Variants in RERE observed in about 807,000 individuals in gnomAD.
The protein encoded by RERE is arginine-glutamic acid dipeptide repeats.
A neutral mutation model predicts 146.1 loss-of-function variants in RERE; 40 were observed. The observed-to-expected ratio is 0.27, with a 90% confidence interval of 0.21 to 0.36. The LOEUF (loss-of-function observed/expected upper bound fraction) is 0.36, where lower values mean the gene tolerates loss of function less well. Ranked by LOEUF, RERE falls within the 10% of genes least tolerant of loss-of-function variation. The pLI is 1.00. For synonymous variants in RERE, 1,003 were observed against 866.0 expected (o/e 1.16, Z -2.78); for missense variants, 1,933 against 2,138.7 (o/e 0.90, Z 1.90).
chr1:8,786,606 A>C, intron 1 of RERE: 1 of 767,050 alleles, frequency 1.3e-6, no homozygotes, highest in South Asian at 1.3e-5. Context: ...AAAGGCGAAG[A>C]AGCTGCAACA....
intron 11 of RERE, among the ~76,000 whole-genome samples, chr1:8,440,368 G>A (rs1415899609): frequency 2.6e-5 from 4 of 151,992 alleles, no homozygotes; most frequent in Admixed American, 1.3e-4. Context: ...CGAGGCAGGC[G>A]GACATGAGGT....
In RERE at chr1:8,361,264, G is replaced by T. The variant is rs760178992; in HGVS notation, c.2243C>A (p.Thr748Asn). 1 of 1,585,074 alleles carries T rather than the reference G, an allele frequency of 6.3e-7. No homozygotes were observed. Among genetic ancestry groups the T allele is most frequent in the Admixed American group, 1.7e-5 (1 of 58,394 alleles). The change falls in exon 18 of 23, where the codon ACC (threonine) becomes AAC (asparagine). Residue 748 changes from threonine (T) to asparagine (N), a missense_variant. Around this residue, in one of 11 missense-constraint regions of RERE, gnomAD observed 1,255 missense variants for 1,153.8 expected, o/e 1.09. Coordinates refer to ENST00000400908, the MANE Select transcript of RERE (RefSeq NM_001042681.2). Reference sequence around the variant, plus strand: ...TGGAGGAGCTGAGGAGGGAGCTGGGGTGACCCCAGTGGGAGCCTGCAAGGC... The same window carrying T: ...TGGAGGAGCTGAGGAGGGAGCTGGGTTGACCCCAGTGGGAGCCTGCAAGGC... The part of the protein sequence containing the change: ...PPALQAPTGV[T>N]PAPSSAPPGT...
chr1:8,693,021 G>A (rs1243379196), intron 1 of RERE, among the ~76,000 whole-genome samples: 2 of 152,024 alleles, frequency 1.3e-5, no homozygotes, highest in Non-Finnish European at 2.9e-5. Context: ...AGCTGGCATC[G>A]GAAATGAGCA....
intron 1 of RERE, among the ~76,000 whole-genome samples, chr1:8,661,268 A>G (rs1271575796): frequency 6.6e-6 from 1 of 152,166 alleles, no homozygotes; most frequent in African/African-American, 2.4e-5. Flanking sequence ...AAGACACAGG[A>G]GACCAGAGGG....
chr1:8,405,859 T>G (rs1643423291), intron 12 of RERE, among the ~76,000 whole-genome samples: 1 of 152,030 alleles, frequency 6.6e-6, no homozygotes, highest in African/African-American at 2.4e-5. Context: ...ATGGTCTTGA[T>G]CTCCTGACCT....
At chr1:8,739,612 T>C (rs926580167) in intron 1 of RERE, among the ~76,000 whole-genome samples, 4 of 152,088 alleles carry the variant, frequency 2.6e-5, no homozygotes, top group African/African-American at 9.7e-5. Context: ...CCCAGATTCA[T>C]TTTCACAGAG....
At chr1:8,482,678 T>C (rs1419897484) in intron 10 of RERE, among the ~76,000 whole-genome samples, 2 of 97,678 alleles carry the variant, frequency 2.0e-5, no homozygotes, top group South Asian at 7.1e-4. Flanking sequence ...TGAGATTCTG[T>C]TGCAAAAAAA....
chr1:8,647,910 A>G (rs1647404879), intron 2 of RERE, among the ~76,000 whole-genome samples: 1 of 152,210 alleles, frequency 6.6e-6, no homozygotes, highest in East Asian at 1.9e-4. Context: ...GATTGAATGG[A>G]AATTTTCCAT....
At chr1:8,642,079 T>G (rs1468558711) in intron 2 of RERE, among the ~76,000 whole-genome samples, 1 of 152,232 alleles carries the variant, frequency 6.6e-6, no homozygotes, top group Non-Finnish European at 1.5e-5. Context: ...TATTTTATAT[T>G]TTAAATAATT....
chr1:8,748,167 T>C (rs1391509424), intron 1 of RERE, among the ~76,000 whole-genome samples: 2 of 152,206 alleles, frequency 1.3e-5, no homozygotes, highest in African/African-American at 4.8e-5. Context: ...AACACCCTTA[T>C]TTACCTCTAC....
At chr1:8,617,343 C>CAAAAA (rs58933208) in intron 3 of RERE, among the ~76,000 whole-genome samples, 27 of 80,412 alleles carry the variant, frequency 3.4e-4, no homozygotes, top group South Asian at 8.0e-4. Context: ...AACTCTGTCT[C>CAAAAA]AAAAAAAAAA....
intron 2 of RERE, among the ~76,000 whole-genome samples, chr1:8,628,770 T>C (rs1570535332): frequency 6.6e-6 from 1 of 152,188 alleles, no homozygotes; most frequent in African/African-American, 2.4e-5. Flanking sequence ...AAAATCTCAG[T>C]TGGAATATAT....
intron 1 of RERE, among the ~76,000 whole-genome samples, chr1:8,748,515 C>T (rs1640468857): frequency 6.6e-6 from 1 of 152,180 alleles, no homozygotes; most frequent in Admixed American, 6.5e-5. Context: ...CAGTTCCAAA[C>T]ACAAGCTTTG....
chr1:8,544,908 G>T (rs927623289), intron 6 of RERE, among the ~76,000 whole-genome samples: 2 of 152,118 alleles, frequency 1.3e-5, no homozygotes, highest in African/African-American at 2.4e-5. Flanking sequence ...ACCAGGATTG[G>T]CTCTGACTGG....
chr1:8,405,058 T>G (rs1570158451), intron 12 of RERE, among the ~76,000 whole-genome samples: 1 of 152,166 alleles, frequency 6.6e-6, no homozygotes, highest in Non-Finnish European at 1.5e-5. Flanking sequence ...AGAGGTGTTG[T>G]TTGAAGTATC....
At chr1:8,482,681 C>CAAA (rs35501735) in intron 10 of RERE, among the ~76,000 whole-genome samples, 16 of 51,220 alleles carry the variant, frequency 3.1e-4, no homozygotes, top group Admixed American at 5.9e-4. Context: ...GATTCTGTTG[C>CAAA]AAAAAAAAAA....
intron 1 of RERE, among the ~76,000 whole-genome samples, chr1:8,744,938 A>G (rs3938719): frequency 0.23 from 34,662 of 152,082 alleles, 4,123 homozygotes; most frequent in Middle Eastern, 0.27. Flanking sequence ...CCCATGACAT[A>G]CGTGGCGCTG....
intron 1 of RERE, among the ~76,000 whole-genome samples, chr1:8,669,996 G>A (rs764706806): frequency 2.0e-5 from 3 of 152,084 alleles, no homozygotes; most frequent in Non-Finnish European, 4.4e-5. Flanking sequence ...AAACTCATCG[G>A]AGCAGCTCTT....
chr1:8,586,533 A>G (rs1430735096), intron 4 of RERE, among the ~76,000 whole-genome samples: 1 of 152,190 alleles, frequency 6.6e-6, no homozygotes, highest in African/African-American at 2.4e-5. Context: ...CTGCTTAGAA[A>G]AATGCATCAA....
Sources: allele counts gnomAD v4.1 joint callset (sites outside exome capture counted in the v4.1 genomes callset), GRCh38; gene constraint gnomAD v4.1.1; regional missense constraint gnomAD v4.1.1; transcripts MANE v1.5; gene names NCBI Gene and HGNC (gene_info 2026-07-23, HGNC 2026-07-21).